RUVBL1: variants seen among roughly 807,000 people sequenced by gnomAD.
RUVBL1 encodes RuvB like AAA ATPase 1.
RUVBL1 carries 4 observed loss-of-function variants against 52.4 expected under a neutral mutation model. That is an observed-to-expected ratio of 0.08 (90% confidence interval 0.04 to 0.17). The LOEUF (loss-of-function observed/expected upper bound fraction) is 0.17, where lower values mean the gene tolerates loss of function less well. Ranked by LOEUF, RUVBL1 falls within the 10% of genes least tolerant of loss-of-function variation. The probability of loss-of-function intolerance (pLI) is 1.00; values close to 1 mark genes in which losing one functional copy is unlikely to be tolerated. For missense variants in RUVBL1, 298 were observed against 572.8 expected, an observed-to-expected ratio of 0.52 and a Z score of 4.90; for synonymous variants, 217 against 214.4, an observed-to-expected ratio of 1.01 and a Z score of -0.10.
intron 1 of RUVBL1, among the ~76,000 whole-genome samples, chr3:128,133,986 G>T: frequency 6.6e-6 from 1 of 152,158 alleles, no homozygotes. Flanking sequence ...TTGAGGAAGC[G>T]CAACGAAATT....
At chr3:128,131,229 T>C (rs1428361667) in intron 1 of RUVBL1, among the ~76,000 whole-genome samples, 1 of 152,122 alleles carries the variant, frequency 6.6e-6, no homozygotes, top group Non-Finnish European at 1.5e-5. Context: ...AGGCTGGGCA[T>C]GGTGGTTCAT....
chr3:128,085,169 A>G (rs1333895036), intron 9 of RUVBL1: 1 of 152,290 alleles, frequency 6.6e-6, no homozygotes, highest in African/African-American at 2.4e-5. Flanking sequence ...AGTAATAACA[A>G]CAGCAATGGG....
At chr3:128,121,404 A>G (rs931661201) in intron 1 of RUVBL1, among the ~76,000 whole-genome samples, 54 of 150,850 alleles carry the variant, frequency 3.6e-4, no homozygotes, top group Non-Finnish European at 7.1e-4. Flanking sequence ...CCCAGATGCT[A>G]TATTTCTAAA....
intron 1 of RUVBL1, among the ~76,000 whole-genome samples, chr3:128,140,649 C>T (rs569874183): frequency 1.1e-4 from 16 of 151,992 alleles, no homozygotes; most frequent in African/African-American, 3.9e-4. Context: ...TTCCTCATAC[C>T]GTCATGTGTC....
intron 1 of RUVBL1, among the ~76,000 whole-genome samples, chr3:128,141,677 G>C (rs1944022812): frequency 1.3e-5 from 2 of 152,042 alleles, no homozygotes; most frequent in South Asian, 4.2e-4. Flanking sequence ...TTCATTTTTA[G>C]TAGAGACGGG....
chr3:128,075,559 T>G (rs1942290128), intron 9 of RUVBL1, among the ~76,000 whole-genome samples: 1 of 152,154 alleles, frequency 6.6e-6, no homozygotes, highest in Non-Finnish European at 1.5e-5. Context: ...CCTTCCTCCC[T>G]GCCTGCCGGG....
chr3:128,075,200 A>G (rs545989037), intron 9 of RUVBL1: 2 of 152,248 alleles, frequency 1.3e-5, no homozygotes, highest in African/African-American at 4.8e-5. Flanking sequence ...AGCAGATATT[A>G]AAGTGATAAG....
chr3:128,148,357 G>A (rs1357558796), intron 1 of RUVBL1, among the ~76,000 whole-genome samples: 1 of 152,200 alleles, frequency 6.6e-6, no homozygotes, highest in African/African-American at 2.4e-5. Context: ...TGGATGTGGT[G>A]TATGAAAGAA....
downstream of RUVBL1, among the ~76,000 whole-genome samples, chr3:128,080,440 G>A (rs1001175904): frequency 5.3e-5 from 8 of 152,168 alleles, no homozygotes; most frequent in Non-Finnish European, 1.0e-4. Context: ...ACTTTACAGT[G>A]AGAAGACCCG....
chr3:128,150,635 TTCTATAC>T (rs1175047589), intron 1 of RUVBL1, among the ~76,000 whole-genome samples: 3 of 108,870 alleles, frequency 2.8e-5, no homozygotes, highest in South Asian at 3.1e-4. Flanking sequence ...TATGTATATA[TTCTATAC>T]ATATATTCTA....
intron 9 of RUVBL1, chr3:128,066,503 G>C (rs1441258989): frequency 5.9e-6 from 1 of 169,148 alleles, no homozygotes; most frequent in Non-Finnish European, 1.3e-5. Context: ...GCTCACTGCA[G>C]CCTAGACCTC....
chr3:128,099,071 G>A (rs1453817826), intron 6 of RUVBL1, 126 bp from the exon 7 acceptor site: 2 of 754,966 alleles, frequency 2.6e-6, no homozygotes, highest in East Asian at 2.5e-5. Context: ...CTCAAAGCCT[G>A]AGGAGCTTCT....
intron 9 of RUVBL1, chr3:128,066,956 C>T: frequency 1.2e-6 from 2 of 1,614,178 alleles, no homozygotes; most frequent in East Asian, 2.2e-5. Flanking sequence ...CTTCTCAGGG[C>T]TTCCGAGTGG....
chr3:128,104,284 A>C (rs1464814128), intron 4 of RUVBL1, among the ~76,000 whole-genome samples: 1 of 152,228 alleles, frequency 6.6e-6, no homozygotes, highest in East Asian at 1.9e-4. Context: ...CACTGAAGCG[A>C]CCACAGGTTC....
intron 9 of RUVBL1, among the ~76,000 whole-genome samples, chr3:128,072,180 C>A (rs986589588): frequency 6.6e-6 from 1 of 152,148 alleles, no homozygotes; most frequent in Non-Finnish European, 1.5e-5. Context: ...TCCCTTAGAA[C>A]GTGTCTAGAA....
intron 1 of RUVBL1, among the ~76,000 whole-genome samples, chr3:128,133,406 A>G (rs1943908640): frequency 6.6e-6 from 1 of 152,244 alleles, no homozygotes; most frequent in African/African-American, 2.4e-5. Flanking sequence ...CATTGGCAGT[A>G]GCCAGGCAGT....
chr3:128,132,528 T>C (rs952284347), intron 1 of RUVBL1, among the ~76,000 whole-genome samples: 2 of 152,114 alleles, frequency 1.3e-5, no homozygotes, highest in Admixed American at 1.3e-4. Context: ...AAGGGGACTT[T>C]GTCTTGCAAC....
chr3:128,147,753 T>C (rs901890735), intron 1 of RUVBL1, among the ~76,000 whole-genome samples: 1 of 152,224 alleles, frequency 6.6e-6, no homozygotes. Flanking sequence ...TCACTTTTGG[T>C]ATTTACCTGA....
chr3:128,122,217 C>T (rs35531186), intron 1 of RUVBL1, among the ~76,000 whole-genome samples: 20,833 of 152,224 alleles, frequency 0.14, 1,588 homozygotes, highest in African/African-American at 0.2. Context: ...GAACAGAGTT[C>T]ATACTAGTCA....
Sources: gnomAD v4.1 joint callset for allele counts (sites outside exome capture counted in the v4.1 genomes callset) on GRCh38, gnomAD v4.1.1 for gene constraint, MANE v1.5 for transcripts, NCBI Gene and HGNC (gene_info 2026-07-23, HGNC 2026-07-21) for gene names.